The following JAKMIP2 variants were observed in gnomAD, a reference collection of about 807,000 sequenced individuals.
The protein encoded by JAKMIP2 is janus kinase and microtubule interacting protein 2, also known as janus kinase and microtubule-interacting protein 2.
Under a neutral mutation model 115.0 loss-of-function variants are expected in JAKMIP2, and 25 were observed. The observed-to-expected ratio is 0.22, with a 90% CI of 0.16 to 0.30. The LOEUF (loss-of-function observed/expected upper bound fraction) is 0.30. JAKMIP2 is among the 10% of genes least tolerant of loss of function. JAKMIP2 has a pLI of 1.00. For synonymous variants in JAKMIP2, 334 were observed against 343.6 expected, an observed-to-expected ratio of 0.97 and a Z score of 0.31; for missense variants, 642 against 957.6, an observed-to-expected ratio of 0.67 and a Z score of 4.35.
At chr5:147,628,398 G>A (rs1757204851) in intron 16 of JAKMIP2, among the ~76,000 whole-genome samples, 1 of 152,136 alleles carries the variant, frequency 6.6e-6, no homozygotes, top group African/African-American at 2.4e-5. Context: ...ATAAGTCTAT[G>A]ATAAGAGCAA....
At chr5:147,721,365 G>T (rs989533806) in intron 1 of JAKMIP2, among the ~76,000 whole-genome samples, 14 of 152,360 alleles carry the variant, frequency 9.2e-5, no homozygotes, top group African/African-American at 3.4e-4. Flanking sequence ...CTTGAGCTGT[G>T]GTGGGCTCCG....
In JAKMIP2 at chr5:147,782,500, A is replaced by C. The variant is rs1206468324; in HGVS notation, c.-193T>G. The C allele has an allele frequency of 3.9e-6, 6 of 1,535,054 alleles. No individual in the cohort carries two copies. The highest frequency in any genetic ancestry group is 5.2e-6 in the Non-Finnish European group (6 of 1,145,982). On this transcript the variant is annotated 5_prime_UTR_variant, in exon 1 of 22. Transcript: ENST00000616793. ...GCTGTTTAAAGGAGGGAGAGATGCA[A>C]ACTGAATCCATTTTCCTTGTGACCG...
intron 20 of JAKMIP2, among the ~76,000 whole-genome samples, chr5:147,605,244 C>G (rs771663133): frequency 1.4e-5 from 2 of 142,482 alleles, no homozygotes; most frequent in East Asian, 4.1e-4. Context: ...GAGTCTTGCT[C>G]TGTCGCCCAG....
chr5:147,607,592 A>T (rs1756094059), intron 20 of JAKMIP2, among the ~76,000 whole-genome samples: 3 of 152,116 alleles, frequency 2.0e-5, no homozygotes, highest in Admixed American at 1.3e-4. Context: ...TTTATTGAGG[A>T]TTGTCACAAC....
chr5:147,774,352 A>G (rs1755475066), intron 1 of JAKMIP2, among the ~76,000 whole-genome samples: 1 of 152,148 alleles, frequency 6.6e-6, no homozygotes, highest in African/African-American at 2.4e-5. Flanking sequence ...AAAACATCTA[A>G]GTCCTTCTCT....
chr5:147,610,057 G>A (rs928677190), intron 20 of JAKMIP2, among the ~76,000 whole-genome samples: 1 of 152,124 alleles, frequency 6.6e-6, no homozygotes, highest in Non-Finnish European at 1.5e-5. Flanking sequence ...TTCTAAACTG[G>A]TTATTCTAGT....
chr5:147,679,015 C>G (rs769267007), intron 1 of JAKMIP2, among the ~76,000 whole-genome samples: 7 of 151,940 alleles, frequency 4.6e-5, no homozygotes, highest in Non-Finnish European at 8.8e-5. Flanking sequence ...GAGTCTCCCT[C>G]TGTCACTCAG....
intron 1 of JAKMIP2, among the ~76,000 whole-genome samples, chr5:147,674,002 C>T (rs1209996250): frequency 6.6e-6 from 1 of 152,102 alleles, no homozygotes; most frequent in African/African-American, 2.4e-5. Flanking sequence ...ATACAACACC[C>T]CATTATGCAA....
intron 1 of JAKMIP2, among the ~76,000 whole-genome samples, chr5:147,714,558 T>C (rs1416255808): frequency 6.6e-6 from 1 of 152,174 alleles, no homozygotes; most frequent in African/African-American, 2.4e-5. Flanking sequence ...GAGGCAATGT[T>C]GGAAGAGCTA....
In JAKMIP2 at chr5:147,724,639, C is replaced by T. The variant is rs564414633; in HGVS notation, c.-148-52685G>A. Among the ~76,000 whole-genome samples the T allele has an allele frequency of 2.4e-3, 370 of 152,038 alleles. 5 individuals carry two copies. The highest frequency in any genetic ancestry group is 7.7e-3 in the African/African-American group (320 of 41,504). On this transcript the variant is annotated intron_variant, in intron 1 of 21. Transcript: ENST00000616793. ...TTAACCAGGCTAATAGGAGGCTCAG[C>T]TCAAACTCAAACTCAAACTCAAACT... is the stretch of plus-strand genomic sequence containing the variant.
chr5:147,590,308 C>T lies in JAKMIP2; in HGVS notation c.*1399G>A, dbSNP rs1312379213. ...TGAAAAATTGAGGTTGTTCTGTTATCTACAGTAAATGAGGTGTAAAATTAG... is the reference window on the plus strand; with the variant it reads ...TGAAAAATTGAGGTTGTTCTGTTATTTACAGTAAATGAGGTGTAAAATTAG... On this transcript the variant is annotated 3_prime_UTR_variant, in exon 22 of 22. Coordinates refer to ENST00000616793, the MANE Select transcript of JAKMIP2 (RefSeq NM_001270941.2). The T allele has an allele frequency of 6.6e-6, 1 of 152,158 alleles. No individual in the cohort carries two copies. Among genetic ancestry groups the T allele is most frequent in the East Asian group, 1.9e-4 (1 of 5,204 alleles). 9.4% of individuals were successfully genotyped at this position (152,158 alleles called of 1,614,324 possible).
intron 19 of JAKMIP2, among the ~76,000 whole-genome samples, chr5:147,613,988 C>T (rs1166403568): frequency 6.6e-6 from 1 of 152,178 alleles, no homozygotes; most frequent in Non-Finnish European, 1.5e-5. Flanking sequence ...TGCTCCATAG[C>T]TACACAGTAA....
chr5:147,718,716 C>T lies in JAKMIP2; in HGVS notation c.-148-46762G>A, dbSNP rs147241568. ...ATATCCCCTTTAGCATTTTTTATTG[C>T]GTCTATTAGATTCTTCTCTCTTTTT... On this transcript the variant is annotated intron_variant, in intron 1 of 21. Transcript: ENST00000616793. Among the ~76,000 whole-genome samples, 1,158 of 152,172 alleles carry T rather than the reference C, an allele frequency of 7.6e-3. 11 individuals carry two copies. The highest frequency in any genetic ancestry group is 0.042 in the East Asian group (216 of 5,176).
chr5:147,586,176 C>G lies in JAKMIP2; in HGVS notation c.*5531G>C, dbSNP rs1754862409. Reference sequence around the variant, plus strand: ...TAAATGCTCGACAAAAACATGAGTTCCCAGCAGAAGCAGCAGCAGCGCAGA... The same window carrying G: ...TAAATGCTCGACAAAAACATGAGTTGCCAGCAGAAGCAGCAGCAGCGCAGA... On this transcript the variant is annotated 3_prime_UTR_variant, in exon 22 of 22. Transcript: ENST00000616793. 1 of 152,026 alleles carries G rather than the reference C, an allele frequency of 6.6e-6. No homozygotes were observed. 9.4% of individuals were successfully genotyped at this position (152,026 alleles called of 1,614,324 possible).
intron 1 of JAKMIP2, among the ~76,000 whole-genome samples, chr5:147,765,916 T>C (rs993358307): frequency 1.3e-5 from 2 of 152,194 alleles, no homozygotes; most frequent in African/African-American, 4.8e-5. Flanking sequence ...TCTGTGATAC[T>C]TGTTTAAACA....
chr5:147,652,313 T>G (rs900535683), intron 3 of JAKMIP2, among the ~76,000 whole-genome samples: 1 of 152,170 alleles, frequency 6.6e-6, no homozygotes, highest in Non-Finnish European at 1.5e-5. Flanking sequence ...TATACTGGCT[T>G]TAAGATTATT....
At chr5:147,744,873 G>A (rs1427618670) in intron 1 of JAKMIP2, among the ~76,000 whole-genome samples, 1 of 151,726 alleles carries the variant, frequency 6.6e-6, no homozygotes, top group Non-Finnish European at 1.5e-5. Context: ...TCCTGGCCAC[G>A]ATGGTGAAAC....
chr5:147,687,121 A>G (rs997376336), intron 1 of JAKMIP2, among the ~76,000 whole-genome samples: 11 of 152,032 alleles, frequency 7.2e-5, no homozygotes, highest in African/African-American at 2.4e-4. Context: ...TCATCCACTT[A>G]CTCACCTCCT....
chr5:147,627,479 G>C (rs1438570221), intron 16 of JAKMIP2, among the ~76,000 whole-genome samples: 2 of 151,860 alleles, frequency 1.3e-5, no homozygotes, highest in African/African-American at 4.8e-5. Context: ...AATCCCAGAG[G>C]GTCTGTATGC....
Sources: allele counts gnomAD v4.1 joint callset (sites outside exome capture counted in the v4.1 genomes callset), GRCh38; gene constraint gnomAD v4.1.1; transcripts MANE v1.5; gene names NCBI Gene and HGNC (gene_info 2026-07-23, HGNC 2026-07-21).